The following PHF24 variants were observed in gnomAD, a reference collection of about 807,000 sequenced individuals.
PHF24 encodes the protein Galpha inhibitory interacting protein.
In PHF24, 25 loss-of-function variants were observed where a neutral mutation model predicts 42.6. The observed-to-expected ratio is 0.59, with a 90% CI of 0.43 to 0.82. The LOEUF (loss-of-function observed/expected upper bound fraction) is 0.82. Ranked by LOEUF, PHF24 falls within the 40% of genes least tolerant of loss-of-function variation. The pLI is 0.00. For missense variants in PHF24, 470 were observed against 538.1 expected (o/e 0.87, Z 1.25); for synonymous variants, 185 against 204.8 (o/e 0.90, Z 0.83).
At chr9:34,750,145 T>G in the PHF24 span, among the ~76,000 whole-genome samples, 1 of 152,118 alleles carries the variant, frequency 6.6e-6, no homozygotes, top group Non-Finnish European at 1.5e-5. Context: ...CAAAACTTAC[T>G]GGTAATTGTA....
the PHF24 span, among the ~76,000 whole-genome samples, chr9:34,925,795 AT>A: frequency 6.6e-6 from 1 of 151,930 alleles, no homozygotes; most frequent in Non-Finnish European, 1.5e-5. Context: ...CTTCCTCAAG[AT>A]TGGGGCCTGT....
At chr9:34,930,160 A>G in the PHF24 span, among the ~76,000 whole-genome samples, 3 of 152,228 alleles carry the variant, frequency 2.0e-5, no homozygotes, top group Admixed American at 1.3e-4. Context: ...CCTGAAGTTT[A>G]ATTTCTCAGT....
the PHF24 span, among the ~76,000 whole-genome samples, chr9:34,795,772 G>C: frequency 6.6e-6 from 1 of 152,126 alleles, no homozygotes; most frequent in Admixed American, 6.6e-5. Context: ...CGAGGTGGGA[G>C]AATCATCTGA....
the PHF24 span, among the ~76,000 whole-genome samples, chr9:34,812,553 T>A: frequency 0.29 from 43,491 of 152,066 alleles, 6,952 homozygotes; most frequent in East Asian, 0.55. Context: ...ATTGGTTACA[T>A]ACCATCATCC....
chr9:34,974,947 C>G (rs150337570), intron 3 of PHF24, among the ~76,000 whole-genome samples: 1 of 152,154 alleles, frequency 6.6e-6, no homozygotes, highest in Non-Finnish European at 1.5e-5. Flanking sequence ...GATGCTGCCT[C>G]TAATATCTCT....
the PHF24 span, among the ~76,000 whole-genome samples, chr9:34,883,133 G>A: frequency 2.0e-5 from 3 of 151,978 alleles, no homozygotes; most frequent in South Asian, 4.2e-4. Flanking sequence ...CTATTTAATA[G>A]ATGGTGCTGG....
chr9:34,805,006 T>C, the PHF24 span, among the ~76,000 whole-genome samples: 39 of 152,218 alleles, frequency 2.6e-4, no homozygotes, highest in Non-Finnish European at 4.1e-4. Context: ...TAGCATTATG[T>C]TTTCAAGGTT....
chr9:34,841,264 G>T, the PHF24 span, among the ~76,000 whole-genome samples: 2 of 152,254 alleles, frequency 1.3e-5, no homozygotes, highest in East Asian at 3.9e-4. Flanking sequence ...CTCCCAAAGT[G>T]CTGGGATTGC....
chr9:34,836,111 G>T, the PHF24 span: 2 of 487,366 alleles, frequency 4.1e-6, no homozygotes, highest in Non-Finnish European at 4.2e-6. Context: ...TCTTGGAAGA[G>T]TGTGGGCTAG....
At chr9:34,847,509 A>C in the PHF24 span, among the ~76,000 whole-genome samples, 2 of 151,892 alleles carry the variant, frequency 1.3e-5, no homozygotes, top group African/African-American at 2.4e-5. Flanking sequence ...GGCTGAGACA[A>C]TGGGGTTTTC....
chr9:34,896,314 G>T, the PHF24 span, among the ~76,000 whole-genome samples: 18 of 152,228 alleles, frequency 1.2e-4, no homozygotes, highest in Non-Finnish European at 1.8e-4. Flanking sequence ...GGTTCAGAAA[G>T]AGGGCAGTGT....
chr9:34,777,492 G>T, the PHF24 span, among the ~76,000 whole-genome samples: 2 of 152,298 alleles, frequency 1.3e-5, no homozygotes, highest in South Asian at 4.1e-4. Context: ...GGCAATGGCC[G>T]TACTGATACC....
At chr9:34,666,358 C>G in the PHF24 span, among the ~76,000 whole-genome samples, 1 of 152,094 alleles carries the variant, frequency 6.6e-6, no homozygotes, top group Non-Finnish European at 1.5e-5. Flanking sequence ...GGGCTTCTGC[C>G]CTGCCGAGTG....
At chr9:34,893,159 A>G in the PHF24 span, 1 of 571,242 alleles carries the variant, frequency 1.8e-6, no homozygotes, top group Non-Finnish European at 2.8e-6. Context: ...CTGGCTGGGA[A>G]GAGAAACATG....
chr9:34,869,996 C>T, the PHF24 span, among the ~76,000 whole-genome samples: 1 of 152,102 alleles, frequency 6.6e-6, no homozygotes. Context: ...CTTCCTCCAG[C>T]ACAATGGAGG....
At chr9:34,969,017 C>G (rs1826877227) in intron 1 of PHF24, among the ~76,000 whole-genome samples, 1 of 152,154 alleles carries the variant, frequency 6.6e-6, no homozygotes, top group African/African-American at 2.4e-5. Context: ...CAAATAGGCA[C>G]TAGTCAGGTG....
chr9:34,709,456 GC>G, the PHF24 span: 16 of 1,613,168 alleles, frequency 9.9e-6, no homozygotes, highest in Middle Eastern at 1.6e-4. Context: ...GGTGTGAGGG[GC>G]TGACTGAGGC....
At chr9:34,857,180 C>T in the PHF24 span, among the ~76,000 whole-genome samples, 1 of 152,214 alleles carries the variant, frequency 6.6e-6, no homozygotes, top group Non-Finnish European at 1.5e-5. Context: ...CTATCTCCAG[C>T]CTGCTGCCAC....
At chr9:34,772,424 T>C in the PHF24 span, among the ~76,000 whole-genome samples, 547 of 152,330 alleles carry the variant, frequency 3.6e-3, 7 homozygotes, top group Middle Eastern at 0.037. Context: ...GTGACTGGTT[T>C]GAACCTAAAA....
Sources: allele counts gnomAD v4.1 joint callset (sites outside exome capture counted in the v4.1 genomes callset), GRCh38; gene constraint gnomAD v4.1.1; transcripts MANE v1.5; gene names NCBI Gene and HGNC (gene_info 2026-07-23, HGNC 2026-07-21).